The following CENPE variants were observed in gnomAD, a reference collection of about 807,000 sequenced individuals.
The protein encoded by CENPE is centromere-associated protein E.
Under a neutral mutation model 336.1 loss-of-function variants are expected in CENPE, and 145 were observed. The observed-to-expected ratio is 0.43, with a 90% CI of 0.38 to 0.50. The LOEUF (loss-of-function observed/expected upper bound fraction) is 0.50. Among genes scored for constraint, CENPE ranks in the 20% least tolerant of loss-of-function variants. CENPE has a pLI of 0.00. For missense variants in CENPE, 2,719 were observed against 3,023.3 expected, an observed-to-expected ratio of 0.90 and a Z score of 2.36; for synonymous variants, 1,013 against 984.8, an observed-to-expected ratio of 1.03 and a Z score of -0.54.
At chr4:103,126,917 T>C (rs978358849) in intron 42 of CENPE, among the ~76,000 whole-genome samples, 1 of 151,356 alleles carries the variant, frequency 6.6e-6, no homozygotes, top group African/African-American at 2.4e-5. Flanking sequence ...CTAAACAACA[T>C]CCTAGAAGTG....
rs202097843 is a variant in CENPE, at chr4:103,114,500, A to G, written c.7495T>C (p.Leu2499=). Residue 2499 remains leucine (L), a synonymous_variant, in exon 46 of 49, where the codon TTG becomes CTG. Transcript: ENST00000265148. ...TGACTTCTTCTGAGATTTTCTCTCA[A>G]TAGCCTTATAACTTCCTTTTGATAT... ...VEYQKEVIRL[L]RENLRRSQQA... The G allele has an allele frequency of 4.3e-6, 7 of 1,612,084 alleles. No homozygotes were observed. Among genetic ancestry groups the G allele is most frequent in the Non-Finnish European group, 5.9e-6 (7 of 1,179,212 alleles).
intron 46 of CENPE, among the ~76,000 whole-genome samples, chr4:103,113,494 GTTATAC>G (rs1392861753): frequency 7.5e-6 from 1 of 133,850 alleles, no homozygotes; most frequent in Non-Finnish European, 1.6e-5. Flanking sequence ...ACTTATATAT[GTTATAC>G]TTATATATAT....
rs1748874257 is a variant in CENPE, at chr4:103,106,105, G to C, written c.*117C>G. ...CTTATCTTTCAACTCTAGTGGCAAA[G>C]TAAAGACTGAATTGAAATTAAGCTG... is the stretch of plus-strand genomic sequence containing the variant. On this transcript the variant is annotated 3_prime_UTR_variant, in exon 49 of 49. Coordinates refer to ENST00000265148, the MANE Select transcript of CENPE (RefSeq NM_001813.3). 1.8e-6 allele frequency: 1 copy of C among 546,642 alleles called. No homozygotes were observed. The highest frequency in any genetic ancestry group is 3.0e-6 in the Non-Finnish European group (1 of 336,820). The allele number at this position is 546,642 out of a possible 1,614,324, so 33.9% of individuals were successfully genotyped here.
intron 41 of CENPE, 47 bp from the exon 42 acceptor site, chr4:103,132,943 T>A: frequency 2.1e-6 from 1 of 485,468 alleles, no homozygotes; most frequent in Non-Finnish European, 3.4e-6. Context: ...AGGAAAGTTT[T>A]GATCCAAATA....
intron 35 of CENPE, 130 bp from the exon 36 acceptor site, chr4:103,141,234 T>C (rs774536551): frequency 1.7e-6 from 1 of 595,652 alleles, no homozygotes; most frequent in Non-Finnish European, 2.9e-6. Context: ...CCACACAGAA[T>C]TTTACTTTCT....
At position 103,123,414 on chromosome 4, in the gene CENPE, A is replaced by T. The variant is rs1236447493; in HGVS notation, c.6925-325T>A. Among the ~76,000 whole-genome samples, 5 of 152,156 alleles carry T rather than the reference A, an allele frequency of 3.3e-5. No homozygotes were observed. The South Asian group carries it at 1.0e-3, about 32-fold the overall frequency. The stretch of plus-strand genomic sequence containing the variant: ...CAGTACTTGTGTCCAAGTAACCCTT[A>T]TTTTAATTAATAATGGCCCCAAAGC... On this transcript the variant is annotated intron_variant, in intron 42 of 48. Transcript: ENST00000265148.
intron 38 of CENPE, among the ~76,000 whole-genome samples, chr4:103,139,506 T>A (rs1292937992): frequency 6.6e-6 from 1 of 152,156 alleles, no homozygotes; most frequent in Non-Finnish European, 1.5e-5. Context: ...CCATTTAGAA[T>A]AATGCTATCT....
chr4:103,117,404 G>A (rs1750226876), intron 44 of CENPE, among the ~76,000 whole-genome samples: 1 of 151,998 alleles, frequency 6.6e-6, no homozygotes, highest in African/African-American at 2.4e-5. Flanking sequence ...CATCATTACA[G>A]TATCATACAG....
intron 34 of CENPE, among the ~76,000 whole-genome samples, chr4:103,142,656 TCTAA>T (rs1259120832): frequency 6.6e-6 from 1 of 152,180 alleles, no homozygotes. Context: ...ATTCCAGGCC[TCTAA>T]CTGCTTCTTT....
In CENPE at chr4:103,139,801, T is replaced by G; in HGVS notation, c.6192A>C (p.Glu2064Asp). Residue 2064 changes from glutamate to aspartate, a missense_variant, in exon 38 of 49, where the codon GAA (glutamate) becomes GAC (aspartate). By Grantham distance (45) the Glu-to-Asp change is conservative. Transcript: ENST00000265148. ...ERDQFIATLR[E>D]MIARDRQNHQ... The stretch of plus-strand genomic sequence containing the variant: ...ACTCTGAACTCACTCTAGCTATCAT[T>G]TCCCTTAAGGTTGCTATGAATTGGT... 2.5e-6 allele frequency: 4 copies of G among 1,605,752 alleles called. No homozygotes were observed. The South Asian group carries it at 4.5e-5, about 18-fold the overall frequency.
At chr4:103,193,358 AG>A (rs1284392455) in intron 8 of CENPE, among the ~76,000 whole-genome samples, 1 of 152,144 alleles carries the variant, frequency 6.6e-6, no homozygotes, top group Non-Finnish European at 1.5e-5. Flanking sequence ...AAAATAGCTA[AG>A]GTGAAATTAG....
intron 21 of CENPE, among the ~76,000 whole-genome samples, chr4:103,159,588 G>T (rs1033383986): frequency 6.6e-6 from 1 of 151,768 alleles, no homozygotes. Context: ...CACATAATCA[G>T]ATTGTCTTTA....
chr4:103,197,411 A>G (rs1217640547), intron 1 of CENPE, among the ~76,000 whole-genome samples: 1 of 152,240 alleles, frequency 6.6e-6, no homozygotes, highest in Non-Finnish European at 1.5e-5. Flanking sequence ...TGATGGGCTA[A>G]TAACTCCTCT....
chr4:103,108,964 T>C lies in CENPE; in HGVS notation c.7850A>G (p.Lys2617Arg). 1 of 1,613,928 alleles carries C rather than the reference T, an allele frequency of 6.2e-7. No homozygotes were observed. Among genetic ancestry groups the C allele is most frequent in the South Asian group, 1.1e-5 (1 of 91,076 alleles). ...TTGAGAGGGTGTAATTTGTTTCTTT[T>C]TAGAAGCTGTTCCAGTCACTTTAGG... ...KSPKVTGTAS[K>R]KKQITPSQCK... The change falls in exon 48 of 49, where the codon AAA (lysine) becomes AGA (arginine). Residue 2617 changes from lysine (K) to arginine (R), a missense_variant. Physicochemically the swap from Lys to Arg is conservative, Grantham distance 26. This residue lies in a region of CENPE where 2,437 missense variants were observed against 2,513.3 expected (regional missense o/e 0.97). Coordinates refer to ENST00000265148, the MANE Select transcript of CENPE (RefSeq NM_001813.3).
intron 17 of CENPE, 26 bp downstream of exon 17, chr4:103,163,453 A>G (rs1245913883): frequency 2.0e-6 from 3 of 1,502,772 alleles, no homozygotes; most frequent in Admixed American, 1.7e-5. Flanking sequence ...TTGCTTATCA[A>G]TAGAAATACC....
intron 33 of CENPE, 107 bp downstream of exon 33, chr4:103,144,224 C>A: frequency 1.1e-6 from 1 of 935,674 alleles, no homozygotes; most frequent in Non-Finnish European, 1.6e-6. Flanking sequence ...GCTCGAGCCA[C>A]CGCGCCCGGC....
At position 103,180,295 on chromosome 4, in the gene CENPE, C is replaced by A; in HGVS notation, c.1242+16G>T. The A allele has an allele frequency of 6.2e-7, 1 of 1,604,296 alleles. No homozygotes were observed. Among genetic ancestry groups the A allele is most frequent in the South Asian group, 1.1e-5 (1 of 89,234 alleles). ...TCTCTGTACATCAAGTTTAAGCTGT[C>A]ATCTTTTAATTTTACCTTTAATTCC... On this transcript the variant is annotated intron_variant, in intron 13 of 48. Coordinates refer to ENST00000265148, the MANE Select transcript of CENPE (RefSeq NM_001813.3).
intron 16 of CENPE, among the ~76,000 whole-genome samples, chr4:103,169,066 A>C (rs952384440): frequency 6.6e-6 from 1 of 152,182 alleles, no homozygotes; most frequent in African/African-American, 2.4e-5. Flanking sequence ...GAAAACATAG[A>C]GAAACAATCC....
In CENPE at chr4:103,169,037, C is replaced by A. The variant is rs137913172; in HGVS notation, c.1648-5484G>T. On this transcript the variant is annotated intron_variant, in intron 16 of 48. Transcript: ENST00000265148. ...AAGAATTCAAAATAGCTATTTTAAGCGAGCTCAGCAAACCTCAAGAAAACA... is the reference window on the plus strand; with the variant it reads ...AAGAATTCAAAATAGCTATTTTAAGAGAGCTCAGCAAACCTCAAGAAAACA... 4.2e-3 allele frequency among the ~76,000 whole-genome samples: 640 copies of A among 152,024 alleles called. 2 individuals are homozygous for A. The highest frequency in any genetic ancestry group is 0.014 in the Middle Eastern group (4 of 294).
Sources: gnomAD v4.1 joint callset for allele counts (sites outside exome capture counted in the v4.1 genomes callset) on GRCh38, gnomAD v4.1.1 for gene constraint, gnomAD v4.1.1 regional missense constraint, MANE v1.5 for transcripts, NCBI Gene and HGNC (gene_info 2026-07-23, HGNC 2026-07-21) for gene names.